The following HS6ST3 variants were observed in gnomAD, a reference collection of about 807,000 sequenced individuals.
HS6ST3 encodes the protein heparan-sulfate 6-O-sulfotransferase 3.
In HS6ST3, 12 loss-of-function variants were observed where a neutral mutation model predicts 36.7. The ratio of observed to expected loss-of-function variants is 0.33; its 90% confidence interval spans 0.21 to 0.53. The LOEUF is 0.53. HS6ST3 is among the 20% of genes least tolerant of loss of function. The pLI is 0.95. For missense variants in HS6ST3, 584 were observed against 640.9 expected (o/e 0.91, Z 0.96); for synonymous variants, 240 against 257.5 (o/e 0.93, Z 0.65).
chr13:96,524,817 G>A (rs1207446319), intron 1 of HS6ST3, among the ~76,000 whole-genome samples: 3 of 152,212 alleles, frequency 2.0e-5, no homozygotes, highest in Non-Finnish European at 4.4e-5. Context: ...CTTCCCAGAT[G>A]AGGCAACGCT....
chr13:96,366,426 G>A (rs2055263105), intron 1 of HS6ST3, among the ~76,000 whole-genome samples: 2 of 148,718 alleles, frequency 1.3e-5, no homozygotes, highest in Non-Finnish European at 3.0e-5. Context: ...TCCAGCCTGG[G>A]TGACATAGCA....
At chr13:96,644,475 G>A (rs535891296) in intron 1 of HS6ST3, among the ~76,000 whole-genome samples, 18 of 152,130 alleles carry the variant, frequency 1.2e-4, no homozygotes, top group African/African-American at 4.3e-4. Flanking sequence ...GCATTATACA[G>A]GCAATAAACC....
chr13:96,755,776 A>G (rs1273111039), intron 1 of HS6ST3, among the ~76,000 whole-genome samples: 1 of 152,180 alleles, frequency 6.6e-6, no homozygotes, highest in Non-Finnish European at 1.5e-5. Flanking sequence ...TTTCTTTGCT[A>G]TTATGAATAA....
At chr13:96,367,564 T>C (rs2055269153) in intron 1 of HS6ST3, among the ~76,000 whole-genome samples, 1 of 152,238 alleles carries the variant, frequency 6.6e-6, no homozygotes, top group Non-Finnish European at 1.5e-5. Context: ...TCAGTTTTTA[T>C]TGGCTCTTTC....
At position 96,746,215 on chromosome 13, in the gene HS6ST3, A is replaced by C. The variant is rs531459761; in HGVS notation, c.708-86275A>C. Among the ~76,000 whole-genome samples the C allele has an allele frequency of 1.1e-3, 170 of 152,184 alleles. 1 individual carries two copies. Among genetic ancestry groups the C allele is most frequent in the African/African-American group, 3.8e-3 (159 of 41,544 alleles). On this transcript the variant is annotated intron_variant, in intron 1 of 1. Coordinates refer to ENST00000376705, the MANE Select transcript of HS6ST3 (RefSeq NM_153456.4). ...TCTAACCTTCTTAATAACCTTTAAC[A>C]TTTTTAATATAATTCCAGTTTTGCA... is the stretch of plus-strand genomic sequence containing the variant.
intron 1 of HS6ST3, among the ~76,000 whole-genome samples, chr13:96,181,564 G>A (rs1243921514): frequency 6.6e-6 from 1 of 152,196 alleles, no homozygotes; most frequent in East Asian, 1.9e-4. Flanking sequence ...GCCTGGTGGA[G>A]TTGCAGATGG....
chr13:96,189,278 G>C (rs537056819), intron 1 of HS6ST3, among the ~76,000 whole-genome samples: 1 of 152,162 alleles, frequency 6.6e-6, no homozygotes, highest in African/African-American at 2.4e-5. Flanking sequence ...AGTGGGGGCC[G>C]AATACAGGAT....
At chr13:96,784,122 T>C (rs1232867317) in intron 1 of HS6ST3, among the ~76,000 whole-genome samples, 2 of 150,740 alleles carry the variant, frequency 1.3e-5, no homozygotes, top group Non-Finnish European at 3.0e-5. Flanking sequence ...GGAACTTTGA[T>C]ATAAATAAAT....
chr13:96,546,109 G>A (rs1254664114), intron 1 of HS6ST3, among the ~76,000 whole-genome samples: 1 of 152,098 alleles, frequency 6.6e-6, no homozygotes, highest in East Asian at 1.9e-4. Flanking sequence ...GATTTAAATT[G>A]CACATTGTAA....
intron 1 of HS6ST3, among the ~76,000 whole-genome samples, chr13:96,723,432 C>A (rs149748974): frequency 6.6e-6 from 1 of 152,260 alleles, no homozygotes; most frequent in African/African-American, 2.4e-5. Context: ...GACCTCCCAG[C>A]CCTGCACTGC....
At chr13:96,724,808 TATAA>T (rs1417326108) in intron 1 of HS6ST3, among the ~76,000 whole-genome samples, 11 of 152,330 alleles carry the variant, frequency 7.2e-5, no homozygotes, top group African/African-American at 2.6e-4. Context: ...CTTGCGATAT[TATAA>T]ATAAAGTGGC....
intron 1 of HS6ST3, among the ~76,000 whole-genome samples, chr13:96,151,464 A>T (rs1453300545): frequency 6.6e-6 from 1 of 151,830 alleles, no homozygotes; most frequent in African/African-American, 2.4e-5. Flanking sequence ...TGCAAGTTCC[A>T]TTAAAAAACA....
intron 1 of HS6ST3, among the ~76,000 whole-genome samples, chr13:96,502,265 T>C (rs2056007615): frequency 6.6e-6 from 1 of 152,038 alleles, no homozygotes; most frequent in South Asian, 2.1e-4. Flanking sequence ...AATCAGTAAG[T>C]ATTAATTGAC....
chr13:96,291,879 G>GTACATTCTTGTTCATACCATGGA (rs1454807606), intron 1 of HS6ST3, among the ~76,000 whole-genome samples: 6 of 152,094 alleles, frequency 3.9e-5, no homozygotes, highest in Non-Finnish European at 7.4e-5. Context: ...TGGACAAAAA[G>GTACATTCTTGTTCATACCATGGA]TACATTCTTG....
intron 1 of HS6ST3, among the ~76,000 whole-genome samples, chr13:96,358,704 T>C (rs1038023666): frequency 1.4e-4 from 21 of 152,188 alleles, no homozygotes; most frequent in Admixed American, 1.3e-3. Context: ...ACAATTTGAA[T>C]ATAAATTGTA....
intron 1 of HS6ST3, among the ~76,000 whole-genome samples, chr13:96,447,379 C>A (rs966389193): frequency 6.6e-6 from 1 of 152,152 alleles, no homozygotes; most frequent in African/African-American, 2.4e-5. Context: ...TCATTTCCAT[C>A]TTATTGTTAT....
chr13:96,575,866 T>C (rs1160752384), intron 1 of HS6ST3, among the ~76,000 whole-genome samples: 1 of 152,214 alleles, frequency 6.6e-6, no homozygotes. Flanking sequence ...TGCTAAATGA[T>C]GCACAGAAGT....
At chr13:96,612,082 G>A (rs2056458901) in intron 1 of HS6ST3, among the ~76,000 whole-genome samples, 2 of 152,106 alleles carry the variant, frequency 1.3e-5, no homozygotes, top group South Asian at 2.1e-4. Flanking sequence ...GGAAGAACTC[G>A]GGGATGTACA....
chr13:96,262,701 G>A (rs2054672189), intron 1 of HS6ST3, among the ~76,000 whole-genome samples: 2 of 152,134 alleles, frequency 1.3e-5, no homozygotes, highest in African/African-American at 2.4e-5. Context: ...AGAGAGCTGG[G>A]AAAGTTCCTT....
Sources: gnomAD v4.1 joint callset for allele counts (sites outside exome capture counted in the v4.1 genomes callset) on GRCh38, gnomAD v4.1.1 for gene constraint, MANE v1.5 for transcripts, NCBI Gene and HGNC (gene_info 2026-07-23, HGNC 2026-07-21) for gene names.